Variants in SYNPO observed in about 807,000 individuals in gnomAD.
SYNPO encodes the protein synaptopodin.
Under a neutral mutation model 49.5 loss-of-function variants are expected in SYNPO, and 19 were observed. The ratio of observed to expected loss-of-function variants is 0.38; its 90% CI spans 0.27 to 0.56. The LOEUF (loss-of-function observed/expected upper bound fraction) is 0.56, where lower values mean the gene tolerates loss of function less well. Among genes scored for constraint, SYNPO ranks in the 20% least tolerant of loss-of-function variants. SYNPO has a pLI of 0.68. For missense variants in SYNPO, 1,131 were observed against 1,248.3 expected, an observed-to-expected ratio of 0.91 and a Z score of 1.42; for synonymous variants, 536 against 548.0, an observed-to-expected ratio of 0.98 and a Z score of 0.31.
intron 1 of SYNPO, among the ~76,000 whole-genome samples, chr5:150,608,273 C>A (rs753500394): frequency 6.6e-6 from 1 of 152,224 alleles, no homozygotes; most frequent in South Asian, 2.1e-4. Flanking sequence ...GGCAGAGCCA[C>A]CTTCATGAAC....
exon 2 of SYNPO, chr5:150,618,592 G>A (rs750153322): frequency 6.4e-7 from 1 of 1,551,356 alleles, no homozygotes; most frequent in Non-Finnish European, 8.7e-7. Context: ...TCACCCAGGG[G>A]ACACCGCAGC....
upstream of SYNPO, among the ~76,000 whole-genome samples, chr5:150,597,470 T>C (rs982053151): frequency 1.3e-5 from 2 of 152,160 alleles, no homozygotes; most frequent in Admixed American, 6.5e-5. Context: ...TAGCTGGGAT[T>C]ACAGGCACGC....
At chr5:150,599,972 C>T (rs1018467295), upstream of SYNPO, among the ~76,000 whole-genome samples, 7 of 152,148 alleles carry the variant, frequency 4.6e-5, no homozygotes, top group African/African-American at 1.4e-4. Context: ...AGACCCCAAC[C>T]GAGGGACCCT....
In SYNPO at chr5:150,649,668, C is replaced by G. The variant is rs1461499563; in HGVS notation, c.1393C>G (p.Pro465Ala). Residue 465 changes from proline to alanine, a missense_variant, in exon 2 of 3, where the codon CCG (proline) becomes GCG (alanine). Transcript: ENST00000307662. ...CLKSPRIQAK[P>A]KPKPNQNLSE... ...CAAGTCACCCCGCATCCAGGCCAAG[C>G]CGAAGCCCAAACCCAACCAGAACCT... The G allele has an allele frequency of 6.2e-7, 1 of 1,610,388 alleles. No individual in the cohort carries two copies. The highest frequency in any genetic ancestry group is 1.3e-5 in the African/African-American group (1 of 75,050).
At chr5:150,656,281 T>C (rs1308559347) in intron 2 of SYNPO, 123 bp from the exon 3 acceptor site, 1 of 781,492 alleles carries the variant, frequency 1.3e-6, no homozygotes, top group Non-Finnish European at 1.9e-6. Context: ...AGGCACTACC[T>C]GACTTGGATC....
intron 1 of SYNPO, among the ~76,000 whole-genome samples, chr5:150,617,463 T>C (rs1213951183): frequency 6.6e-6 from 1 of 152,096 alleles, no homozygotes; most frequent in East Asian, 1.9e-4. Flanking sequence ...GCCCAGCTAA[T>C]TTTTGTATTT....
upstream of SYNPO, among the ~76,000 whole-genome samples, chr5:150,640,483 T>G (rs1041656247): frequency 6.6e-6 from 1 of 152,050 alleles, no homozygotes; most frequent in Non-Finnish European, 1.5e-5. Flanking sequence ...GGATGAGGAC[T>G]CTCCTCTTGA....
In SYNPO at chr5:150,656,866, G is replaced by C. The variant is rs1376414879; in HGVS notation, c.2491G>C (p.Gly831Arg). The C allele has an allele frequency of 1.9e-6, 3 of 1,568,178 alleles. No homozygotes were observed. Among genetic ancestry groups the C allele is most frequent in the Non-Finnish European group, 1.7e-6 (2 of 1,159,054 alleles). The change falls in exon 3 of 3, where the codon GGT becomes CGT. Residue 831 changes from glycine to arginine, a missense_variant. Gly to Arg is a moderately radical substitution (Grantham distance 125). This residue lies in a region of SYNPO where 509 missense variants were observed against 484.5 expected (regional missense o/e 1.05). Coordinates refer to ENST00000307662, the MANE Select transcript of SYNPO (RefSeq NM_007286.6). ...APIPRSPLPA[G>R]PSSCTSPRSP... is the part of the protein sequence containing the mutation. ...CATCCCGCGGAGCCCGTTGCCCGCCGGTCCTTCGTCCTGCACCAGTCCCCG... is the reference window on the plus strand; with the variant it reads ...CATCCCGCGGAGCCCGTTGCCCGCCCGTCCTTCGTCCTGCACCAGTCCCCG...
At chr5:150,637,069 A>G (rs1306159126), upstream of SYNPO, among the ~76,000 whole-genome samples, 1 of 152,230 alleles carries the variant, frequency 6.6e-6, no homozygotes, top group Non-Finnish European at 1.5e-5. Context: ...TGTTTTACTG[A>G]TGATGAAGTT....
rs1195098733 is a variant in SYNPO at position 150,657,111 on chromosome 5, G to A, written c.*24G>A. 1 of 1,549,852 alleles carries A rather than the reference G, an allele frequency of 6.5e-7. No individual in the cohort carries two copies. The highest frequency in any genetic ancestry group is 8.7e-7 in the Non-Finnish European group (1 of 1,146,938). ...AGAGCCCCACCCCCGACCCCACCCCGGGAGGGCAGAGCCAGAAGAAGGCTC... is the reference window on the plus strand; with the variant it reads ...AGAGCCCCACCCCCGACCCCACCCCAGGAGGGCAGAGCCAGAAGAAGGCTC... On this transcript the variant is annotated 3_prime_UTR_variant, in exon 3 of 3. Transcript: ENST00000307662.
At chr5:150,590,776 G>A in the SYNPO span, among the ~76,000 whole-genome samples, 16 of 152,292 alleles carry the variant, frequency 1.1e-4, no homozygotes, top group African/African-American at 3.6e-4. Context: ...TGCCTGACAC[G>A]TGAAGGGTCT....
chr5:150,620,899 CTCTTTCTTTCTTTCTT>C lies in SYNPO; in HGVS notation c.400+2166_400+2181del, dbSNP rs60102848. On this transcript the variant is annotated intron_variant, in intron 2 of 2. Coordinates refer to the SYNPO transcript ENST00000394243. ...TTTCTTTTTCTTTTTTTCTTTTTTT[CTCTTTCTTTCTTTCTT>C]TCTTTCTTTCTTTCTTTCTTTCTTT... Among the ~76,000 whole-genome samples the C allele has an allele frequency of 8.7e-4, 95 of 108,920 alleles. 1 individual carries two copies. The highest frequency in any genetic ancestry group is 1.1e-3 in the East Asian group (4 of 3,768). The allele number at this position is 108,920 out of a possible 152,430, so 71.5% of individuals were successfully genotyped here.
In SYNPO at chr5:150,650,125, C is replaced by G. The variant is rs769668183; in HGVS notation, c.1850C>G (p.Ser617Trp). ...LPPSPALPRP[S>W]RSSPGLYTSP... Reference sequence around the variant, plus strand: ...CCATCTCCTGCCCTGCCTCGGCCCTCGCGCTCCTCACCGGGCCTCTACACC... The same window carrying G: ...CCATCTCCTGCCCTGCCTCGGCCCTGGCGCTCCTCACCGGGCCTCTACACC... Residue 617 changes from serine to tryptophan, a missense_variant, in exon 2 of 3, where the codon TCG (serine) becomes TGG (tryptophan). Physicochemically the swap from Ser to Trp is radical, Grantham distance 177. Coordinates refer to ENST00000307662, the MANE Select transcript of SYNPO (RefSeq NM_007286.6). 4.3e-6 allele frequency: 7 copies of G among 1,613,018 alleles called. 1 individual carries two copies. The South Asian group carries it at 7.7e-5, about 18-fold the overall frequency.
chr5:150,631,437 C>T (rs1757533761), intron 2 of SYNPO, among the ~76,000 whole-genome samples: 1 of 152,148 alleles, frequency 6.6e-6, no homozygotes, highest in South Asian at 2.1e-4. Flanking sequence ...GCAGCCAGTG[C>T]AGAGGCCCTG....
chr5:150,641,480 G>C (rs185493038), intron 1 of SYNPO, among the ~76,000 whole-genome samples: 2 of 152,130 alleles, frequency 1.3e-5, no homozygotes, highest in Non-Finnish European at 2.9e-5. Flanking sequence ...TGACGGCATC[G>C]TGTGAAGAAG....
At chr5:150,616,790 A>G (rs1756993762) in intron 1 of SYNPO, among the ~76,000 whole-genome samples, 2 of 152,040 alleles carry the variant, frequency 1.3e-5, no homozygotes, top group East Asian at 3.8e-4. Context: ...ATCTGCCTCC[A>G]AGCCCAGCCA....
chr5:150,632,343 G>A lies in SYNPO; in HGVS notation c.400+13576G>A, dbSNP rs552107916. Among the ~76,000 whole-genome samples, 7 of 152,232 alleles carry A rather than the reference G, an allele frequency of 4.6e-5. No homozygotes were observed. The South Asian group carries it at 8.3e-4, about 18-fold the overall frequency. ...CCATGTACTTTAAATTATGAGAAGC[G>A]CTATTCTAGGTCAGTTATTTTTAAA... On this transcript the variant is annotated intron_variant, in intron 2 of 2. Transcript: ENST00000394243.
intron 2 of SYNPO, among the ~76,000 whole-genome samples, chr5:150,620,277 C>T (rs1440295186): frequency 6.6e-6 from 1 of 152,152 alleles, no homozygotes; most frequent in African/African-American, 2.4e-5. Flanking sequence ...ATGTAAGAAA[C>T]GTTTATACCT....
intron 2 of SYNPO, among the ~76,000 whole-genome samples, chr5:150,630,492 A>T (rs1005332911): frequency 6.6e-6 from 1 of 152,174 alleles, no homozygotes; most frequent in African/African-American, 2.4e-5. Flanking sequence ...TATTCCCAAT[A>T]TGGGGCCCTT....
Sources: allele counts gnomAD v4.1 joint callset (sites outside exome capture counted in the v4.1 genomes callset), GRCh38; gene constraint gnomAD v4.1.1; regional missense constraint gnomAD v4.1.1; transcripts MANE v1.5; gene names NCBI Gene and HGNC (gene_info 2026-07-23, HGNC 2026-07-21).